The following TSPAN15 variants were observed in gnomAD, a reference collection of about 807,000 sequenced individuals.
TSPAN15 encodes the protein tetraspanin-15.
TSPAN15 carries 20 observed loss-of-function variants against 34.5 expected under a neutral mutation model. That is an observed-to-expected ratio of 0.58 (90% CI 0.41 to 0.84). The LOEUF (loss-of-function observed/expected upper bound fraction) is 0.84, where lower values mean the gene tolerates loss of function less well. Among genes scored for constraint, TSPAN15 ranks in the 40% least tolerant of loss-of-function variants. TSPAN15 has a pLI of 0.00. For synonymous variants in TSPAN15, 155 were observed against 153.9 expected (o/e 1.01, Z -0.05); for missense variants, 313 against 386.1 (o/e 0.81, Z 1.59).
At chr10:69,494,422 C>G (rs1050776752) in intron 3 of TSPAN15, among the ~76,000 whole-genome samples, 6 of 152,182 alleles carry the variant, frequency 3.9e-5, no homozygotes, top group African/African-American at 1.4e-4. Context: ...TCACAACATC[C>G]CTATGAGGCA....
intron 1 of TSPAN15, 96 bp downstream of exon 1, chr10:69,451,786 CAGGG>C: frequency 2.0e-6 from 2 of 1,017,310 alleles, no homozygotes; most frequent in Non-Finnish European, 2.6e-6. Flanking sequence ...TTAGCCGCTC[CAGGG>C]AGTGCGCGGG....
the TSPAN15 span, among the ~76,000 whole-genome samples, chr10:69,543,445 A>C: frequency 9.2e-5 from 14 of 152,302 alleles, no homozygotes; most frequent in African/African-American, 3.4e-4. Context: ...AAATTCGTCC[A>C]CTGTCTATTT....
chr10:69,499,033 TC>T (rs1473040220), intron 5 of TSPAN15, among the ~76,000 whole-genome samples: 1 of 152,190 alleles, frequency 6.6e-6, no homozygotes, highest in Non-Finnish European at 1.5e-5. Context: ...GTAAATGCCA[TC>T]CTCTTCCTCT....
chr10:69,543,036 G>A, the TSPAN15 span, among the ~76,000 whole-genome samples: 5 of 152,230 alleles, frequency 3.3e-5, no homozygotes, highest in African/African-American at 9.6e-5. Context: ...TTTAGGGGAA[G>A]TCTTTCATGG....
intron 1 of TSPAN15, among the ~76,000 whole-genome samples, chr10:69,466,154 C>A (rs750522402): frequency 6.6e-6 from 1 of 152,202 alleles, no homozygotes; most frequent in Non-Finnish European, 1.5e-5. Flanking sequence ...GAAATGCATC[C>A]TTTAATTTTT....
At chr10:69,542,671 A>T in the TSPAN15 span, among the ~76,000 whole-genome samples, 1 of 152,048 alleles carries the variant, frequency 6.6e-6, no homozygotes, top group East Asian at 1.9e-4. Flanking sequence ...CCGGTGTGGC[A>T]GGGGGGAGCC....
chr10:69,499,639 A>T (rs61424482), intron 5 of TSPAN15, among the ~76,000 whole-genome samples: 17,952 of 152,262 alleles, frequency 0.12, 1,119 homozygotes, highest in South Asian at 0.13. Flanking sequence ...TCTGCCCGCA[A>T]GGAGGTGACA....
the TSPAN15 span, among the ~76,000 whole-genome samples, chr10:69,522,375 CAA>C: frequency 0.34 from 16,486 of 48,152 alleles, 908 homozygotes; most frequent in African/African-American, 0.36. Flanking sequence ...GACCTTGTCT[CAA>C]AAAAAAAAAA....
the TSPAN15 span, among the ~76,000 whole-genome samples, chr10:69,519,072 C>A: frequency 1.3e-5 from 2 of 152,226 alleles, no homozygotes; most frequent in Non-Finnish European, 2.9e-5. Context: ...AACTAAAGTT[C>A]CATGTATCCA....
chr10:69,470,770 C>A (rs924468501), intron 1 of TSPAN15, among the ~76,000 whole-genome samples: 4 of 152,214 alleles, frequency 2.6e-5, no homozygotes, highest in African/African-American at 9.6e-5. Context: ...CACTTCTCTG[C>A]AAACTTTCAG....
intron 1 of TSPAN15, among the ~76,000 whole-genome samples, chr10:69,469,162 C>G (rs926143012): frequency 4.0e-5 from 6 of 151,288 alleles, no homozygotes; most frequent in South Asian, 2.1e-4. Flanking sequence ...AACTCTTGAA[C>G]AATGAGATTT....
At chr10:69,513,525 T>A in the TSPAN15 span, among the ~76,000 whole-genome samples, 1 of 152,266 alleles carries the variant, frequency 6.6e-6, no homozygotes, top group African/African-American at 2.4e-5. Context: ...GTCTTTTCAG[T>A]CTCTTAATGG....
chr10:69,496,267 A>G (rs1445130432), intron 4 of TSPAN15, among the ~76,000 whole-genome samples: 3 of 151,010 alleles, frequency 2.0e-5, no homozygotes, highest in South Asian at 4.2e-4. Flanking sequence ...TGATGATCCT[A>G]TTCCTTTTGG....
In TSPAN15 at chr10:69,468,768, T is replaced by TAA. The variant is rs201774466; in HGVS notation, c.97-14912_97-14911dup. Among the ~76,000 whole-genome samples the TAA allele has an allele frequency of 4.1e-5, 6 of 146,830 alleles. No homozygotes were observed. In the East Asian group the frequency reaches 7.9e-4, roughly 19 times the overall value. On this transcript the variant is annotated intron_variant, in intron 1 of 7. Coordinates refer to ENST00000373290, the MANE Select transcript of TSPAN15 (RefSeq NM_012339.5). ...CTCACACCACTGCTGTCCATCTGAT[T>TAA]AAAAAAAAAAAATCACCATGAAATC...
intron 1 of TSPAN15, among the ~76,000 whole-genome samples, chr10:69,462,831 G>A (rs1841299629): frequency 6.6e-6 from 1 of 152,212 alleles, no homozygotes; most frequent in South Asian, 2.1e-4. Flanking sequence ...TCTGAGCTGG[G>A]GAAAGTTAGC....
the TSPAN15 span, among the ~76,000 whole-genome samples, chr10:69,529,329 G>T: frequency 6.8e-6 from 1 of 147,988 alleles, no homozygotes. Context: ...CATCCCCGCT[G>T]CAGCAAGTGT....
the TSPAN15 span, among the ~76,000 whole-genome samples, chr10:69,548,668 C>T: frequency 2.0e-4 from 31 of 151,748 alleles, no homozygotes; most frequent in South Asian, 8.3e-4. Flanking sequence ...AGGGTTTGCA[C>T]GTAGTGGAAA....
At chr10:69,545,380 G>C in the TSPAN15 span, among the ~76,000 whole-genome samples, 1 of 152,168 alleles carries the variant, frequency 6.6e-6, no homozygotes, top group Admixed American at 6.5e-5. Context: ...GAGGAGAGGA[G>C]GCTACGGAAA....
At chr10:69,548,167 G>A in the TSPAN15 span, among the ~76,000 whole-genome samples, 3 of 151,706 alleles carry the variant, frequency 2.0e-5, no homozygotes, top group Admixed American at 6.6e-5. Flanking sequence ...AAGGATCGGG[G>A]GCAGACAAAC....
Sources: gnomAD v4.1 joint callset for allele counts (sites outside exome capture counted in the v4.1 genomes callset) on GRCh38, gnomAD v4.1.1 for gene constraint, MANE v1.5 for transcripts, NCBI Gene and HGNC (gene_info 2026-07-23, HGNC 2026-07-21) for gene names.